Variants in GPHN observed in about 807,000 individuals in gnomAD.
GPHN encodes the protein gephyrin.
A neutral mutation model predicts 95.5 loss-of-function variants in GPHN; 17 were observed. The observed-to-expected ratio is 0.18, with a 90% CI of 0.12 to 0.27. GPHN has a LOEUF of 0.27. GPHN is among the 10% of genes least tolerant of loss of function. The probability of loss-of-function intolerance (pLI) is 1.00; values close to 1 mark genes in which losing one functional copy is unlikely to be tolerated. For synonymous variants in GPHN, 320 were observed against 322.5 expected (o/e 0.99, Z 0.08); for missense variants, 660 against 978.1 (o/e 0.67, Z 4.34).
chr14:66,833,511 A>G (rs1172010418), intron 4 of GPHN, among the ~76,000 whole-genome samples: 1 of 152,148 alleles, frequency 6.6e-6, no homozygotes, highest in Non-Finnish European at 1.5e-5. Context: ...ACGAGAATTC[A>G]TGAGTCTCCT....
chr14:67,127,012 C>A (rs1190366080), intron 17 of GPHN, among the ~76,000 whole-genome samples: 2 of 149,790 alleles, frequency 1.3e-5, no homozygotes, highest in Non-Finnish European at 2.9e-5. Context: ...AACCAAACAC[C>A]GCATGTTCTC....
intron 6 of GPHN, among the ~76,000 whole-genome samples, chr14:66,917,154 C>T (rs984349825): frequency 1.3e-5 from 2 of 152,148 alleles, no homozygotes; most frequent in Non-Finnish European, 2.9e-5. Context: ...TTCCTCAGGC[C>T]AGTCATTTTC....
intron 9 of GPHN, among the ~76,000 whole-genome samples, chr14:66,966,485 TG>T (rs2069337245): frequency 1.3e-5 from 2 of 152,048 alleles, no homozygotes; most frequent in African/African-American, 4.8e-5. Flanking sequence ...AGACATTAAA[TG>T]TATGCCAGTG....
At chr14:66,985,433 G>A (rs1423964676) in intron 9 of GPHN, among the ~76,000 whole-genome samples, 1 of 152,058 alleles carries the variant, frequency 6.6e-6, no homozygotes, top group East Asian at 1.9e-4. Flanking sequence ...AAGTCCCCAA[G>A]ATAACCAAAA....
the GPHN span, among the ~76,000 whole-genome samples, chr14:67,275,478 T>C: frequency 1.3e-5 from 2 of 152,208 alleles, no homozygotes; most frequent in Non-Finnish European, 2.9e-5. Flanking sequence ...GCCCATTTGA[T>C]TGTGGTGCAT....
chr14:66,634,465 C>T (rs1036412803), intron 1 of GPHN, among the ~76,000 whole-genome samples: 1 of 152,044 alleles, frequency 6.6e-6, no homozygotes, highest in South Asian at 2.1e-4. Flanking sequence ...GGGTCATCAG[C>T]CAGACTGATC....
rs2073010902 is a variant in GPHN, at chr14:66,743,759, A to G, written c.144-32705A>G. On this transcript the variant is annotated intron_variant, in intron 2 of 22. Transcript: ENST00000478722. ...TCCATCTCAAAAAACAACAACAACA[A>G]CAAAAAAACTCTTTAATTGCTTTAA... Among the ~76,000 whole-genome samples, 8 of 152,248 alleles carry G rather than the reference A, an allele frequency of 5.3e-5. No individual in the cohort carries two copies. In the South Asian group the frequency reaches 1.5e-3, roughly 28 times the overall value.
At chr14:67,203,131 G>C in the GPHN span, 1 of 1,613,488 alleles carries the variant, frequency 6.2e-7, no homozygotes, top group Non-Finnish European at 8.5e-7. Context: ...CTTCATAACC[G>C]AGCCAACTGG....
chr14:66,728,166 T>C (rs2153432120), intron 2 of GPHN, among the ~76,000 whole-genome samples: 1 of 152,132 alleles, frequency 6.6e-6, no homozygotes. Flanking sequence ...AAGTCAAGAA[T>C]TGGGGTTTGG....
chr14:66,707,224 A>G (rs1340692424), intron 2 of GPHN, among the ~76,000 whole-genome samples: 2 of 152,230 alleles, frequency 1.3e-5, no homozygotes, highest in African/African-American at 4.8e-5. Flanking sequence ...GGGAATGTTA[A>G]TTAGTTCAAC....
the GPHN span, chr14:67,684,944 A>T: frequency 1.6e-6 from 2 of 1,271,062 alleles, no homozygotes; most frequent in Non-Finnish European, 2.2e-6. Context: ...AAAAAAGGGT[A>T]TACCCAGACA....
At chr14:66,720,384 T>A (rs940333126) in intron 2 of GPHN, among the ~76,000 whole-genome samples, 7 of 152,134 alleles carry the variant, frequency 4.6e-5, no homozygotes, top group Admixed American at 4.6e-4. Flanking sequence ...CGAAACCCCG[T>A]CTCTACTGAA....
At chr14:67,330,166 T>C in the GPHN span, among the ~76,000 whole-genome samples, 1 of 149,506 alleles carries the variant, frequency 6.7e-6, no homozygotes, top group Non-Finnish European at 1.5e-5. Flanking sequence ...TTATTATTAT[T>C]ATTATCAAAA....
the GPHN span, among the ~76,000 whole-genome samples, chr14:67,501,225 A>C: frequency 6.6e-6 from 1 of 152,132 alleles, no homozygotes; most frequent in Non-Finnish European, 1.5e-5. Context: ...TCCCAGAGTC[A>C]TGGCAGTGGA....
the GPHN span, among the ~76,000 whole-genome samples, chr14:67,225,473 G>A: frequency 6.6e-6 from 1 of 152,210 alleles, no homozygotes; most frequent in Non-Finnish European, 1.5e-5. Context: ...CAGGGAGGAG[G>A]AGAGAGGGCT....
chr14:67,250,955 C>A, the GPHN span, among the ~76,000 whole-genome samples: 1 of 152,128 alleles, frequency 6.6e-6, no homozygotes, highest in African/African-American at 2.4e-5. Flanking sequence ...ATGCTGTATC[C>A]TTTGTATGTA....
At chr14:67,589,786 G>C in the GPHN span, 1 of 1,090,940 alleles carries the variant, frequency 9.2e-7, no homozygotes, top group African/African-American at 1.6e-5. Context: ...AACATGCTTA[G>C]CAATTTCCGA....
intron 11 of GPHN, among the ~76,000 whole-genome samples, chr14:67,086,673 A>G (rs955259858): frequency 6.7e-6 from 1 of 149,196 alleles, no homozygotes; most frequent in African/African-American, 2.5e-5. Context: ...AAAAAGTTCT[A>G]AAATCTAGTT....
In GPHN at chr14:67,107,218, A is replaced by G. The variant is rs73276960; in HGVS notation, c.1294-2922A>G. ...TCTTGTTTTCCACACAATAGGGAGA[A>G]TCAGCTGAAGGGATCCCTCTTGGTG... is the stretch of plus-strand genomic sequence containing the variant. On this transcript the variant is annotated intron_variant, in intron 13 of 22. Coordinates refer to ENST00000478722, the MANE Select transcript of GPHN (RefSeq NM_020806.5). 5.9e-3 allele frequency among the ~76,000 whole-genome samples: 893 copies of G among 152,206 alleles called. 6 individuals are homozygous for G. Among genetic ancestry groups the G allele is most frequent in the African/African-American group, 0.021 (863 of 41,522 alleles).
Sources: allele counts gnomAD v4.1 joint callset (sites outside exome capture counted in the v4.1 genomes callset), GRCh38; gene constraint gnomAD v4.1.1; transcripts MANE v1.5; gene names NCBI Gene and HGNC (gene_info 2026-07-23, HGNC 2026-07-21).